Variants in DENND1B observed in about 807,000 individuals in gnomAD.
DENND1B encodes the protein DENN domain containing 1B.
In DENND1B, 59 loss-of-function variants were observed where a neutral mutation model predicts 90.1. The observed-to-expected ratio is 0.65, with a 90% CI of 0.53 to 0.81. The LOEUF is 0.81. DENND1B is among the 40% of genes least tolerant of loss of function. The pLI, the probability that DENND1B is intolerant of heterozygous loss-of-function variation, is 0.00. For synonymous variants in DENND1B, 337 were observed against 324.6 expected (o/e 1.04, Z -0.41); for missense variants, 862 against 912.6 (o/e 0.94, Z 0.71).
In DENND1B at chr1:197,657,684, A is replaced by G. The variant is rs184474028; in HGVS notation, c.366+616T>C. Among the ~76,000 whole-genome samples the G allele has an allele frequency of 2.6e-3, 400 of 152,246 alleles. 1 individual carries two copies. Among genetic ancestry groups the G allele is most frequent in the Non-Finnish European group, 4.7e-3 (319 of 67,984 alleles). On this transcript the variant is annotated intron_variant, in intron 6 of 22. Coordinates refer to ENST00000620048, the MANE Select transcript of DENND1B (RefSeq NM_001195215.2). ...GTGGAAAATGTGGACACTGTGGAAAATGCTCTCATGATTCCTCAAAAAATT... is the reference window on the plus strand; with the variant it reads ...GTGGAAAATGTGGACACTGTGGAAAGTGCTCTCATGATTCCTCAAAAAATT...
intron 11 of DENND1B, among the ~76,000 whole-genome samples, chr1:197,613,450 A>G (rs1411125727): frequency 6.7e-6 from 1 of 150,216 alleles, no homozygotes; most frequent in Non-Finnish European, 1.5e-5. Context: ...AATGCAAGAG[A>G]CCATCTGGAA....
At chr1:197,520,978 T>C (rs768927953) in intron 20 of DENND1B, among the ~76,000 whole-genome samples, 54 of 151,922 alleles carry the variant, frequency 3.6e-4, no homozygotes, top group Non-Finnish European at 6.0e-4. Flanking sequence ...GCTATCAGCA[T>C]GCAATACAAC....
At position 197,506,798 on chromosome 1, in the gene DENND1B, T is replaced by G. The variant is rs1218892776; in HGVS notation, c.*3662A>C. The G allele has an allele frequency of 6.6e-6, 1 of 151,448 alleles. No homozygotes were observed. The highest frequency in any genetic ancestry group is 1.9e-4 in the East Asian group (1 of 5,152). 9.4% of individuals were successfully genotyped at this position (151,448 alleles called of 1,614,324 possible). ...TTATTCATATAAAAATAGTAAAAAT[T>G]GGATTCCCATTAACATGCATCCACA... On this transcript the variant is annotated 3_prime_UTR_variant, in exon 23 of 23. Transcript: ENST00000620048.
chr1:197,543,761 T>G (rs904688719), intron 18 of DENND1B, among the ~76,000 whole-genome samples: 1 of 152,200 alleles, frequency 6.6e-6, no homozygotes, highest in African/African-American at 2.4e-5. Flanking sequence ...CTGTATTTTT[T>G]AATCAACTCT....
intron 15 of DENND1B, 33 bp from the exon 16 acceptor site, chr1:197,553,145 AAATAAAATGTTATCC>A: frequency 2.0e-6 from 3 of 1,465,390 alleles, no homozygotes; most frequent in Non-Finnish European, 2.7e-6. Flanking sequence ...AAAATGTATC[AAATAAAATGTTATCC>A]AATAAAATGT....
chr1:197,551,419 C>A (rs941263934), intron 16 of DENND1B, among the ~76,000 whole-genome samples: 5 of 151,984 alleles, frequency 3.3e-5, no homozygotes, highest in African/African-American at 1.2e-4. Context: ...TAATAAAGAA[C>A]AACAAAGTAG....
At chr1:197,622,846 T>C (rs767326069) in intron 10 of DENND1B, among the ~76,000 whole-genome samples, 2 of 151,452 alleles carry the variant, frequency 1.3e-5, no homozygotes, top group Non-Finnish European at 3.0e-5. Context: ...AAGAAATCAG[T>C]CTATTAATAA....
At position 197,595,261 on chromosome 1, in the gene DENND1B, TAAG is replaced by T. The variant is rs1331047699; in HGVS notation, c.991_993del (p.Leu331del). The T allele has an allele frequency of 6.2e-7, 1 of 1,613,468 alleles. No individual in the cohort carries two copies. The highest frequency in any genetic ancestry group is 8.5e-7 in the Non-Finnish European group (1 of 1,179,498). On this transcript the variant is annotated inframe_deletion, in exon 14 of 23. Coordinates refer to ENST00000620048, the MANE Select transcript of DENND1B (RefSeq NM_001195215.2). ...GATCCAAACAAAGCAGCCTGTGCTC[TAAG>T]AAAGGCCCTAGCTACTCCATCACCC... is the stretch of plus-strand genomic sequence containing the variant.
intron 3 of DENND1B, among the ~76,000 whole-genome samples, chr1:197,687,087 T>G (rs984468276): frequency 2.0e-5 from 3 of 152,224 alleles, no homozygotes; most frequent in Non-Finnish European, 4.4e-5. Context: ...AATGGGAGTC[T>G]TTATTTCTGA....
At position 197,775,116 on chromosome 1, in the gene DENND1B, C is replaced by A. The variant is rs955316353; in HGVS notation, c.17+23G>T. On this transcript the variant is annotated intron_variant, in intron 1 of 22. Coordinates refer to ENST00000620048, the MANE Select transcript of DENND1B (RefSeq NM_001195215.2). ...GCCGCCGAGGGACGCCCGCCCCCGA[C>A]GCGCCCGGGCCCCCCCACTCACTTG... 1.3e-5 allele frequency: 16 copies of A among 1,268,148 alleles called. No homozygotes were observed. In the African/African-American group the frequency reaches 2.2e-4, roughly 17 times the overall value. 78.6% of individuals were successfully genotyped at this position (1,268,148 alleles called of 1,614,324 possible). A position where few individuals can be genotyped will look rare whatever the true frequency, so the allele number is the denominator to read the frequency against.
At position 197,552,591 on chromosome 1, in the gene DENND1B, T is replaced by C. The variant is rs963950819; in HGVS notation, c.1240+431A>G. 9 of 988,460 alleles carry C rather than the reference T, an allele frequency of 9.1e-6. No individual in the cohort carries two copies. In the Admixed American group the frequency reaches 2.5e-4, roughly 27 times the overall value. 61.2% of individuals were successfully genotyped at this position (988,460 alleles called of 1,614,324 possible). A position where few individuals can be genotyped will look rare whatever the true frequency, so the allele number is the denominator to read the frequency against. On this transcript the variant is annotated intron_variant, in intron 16 of 22. Transcript: ENST00000620048. ...TAATAATAATACAGTTACTTAAATA[T>C]GTATAAAGAATTTTGGTGTTCAGAC... is the stretch of plus-strand genomic sequence containing the variant.
At chr1:197,531,038 A>C (rs975084758) in intron 20 of DENND1B, among the ~76,000 whole-genome samples, 12 of 152,122 alleles carry the variant, frequency 7.9e-5, no homozygotes, top group Non-Finnish European at 1.6e-4. Flanking sequence ...TTTAATTCCT[A>C]TTCTGCTATT....
In DENND1B at chr1:197,672,026, CA is replaced by C. The variant is rs749017201; in HGVS notation, c.296+10del. 138 of 1,607,262 alleles carry C rather than the reference CA, an allele frequency of 8.6e-5. 1 individual carries two copies. The South Asian group carries it at 1.2e-3, about 14-fold the overall frequency. ...ATTTTGCATCTAATTTTTTTTACTA[CA>C]AATACTCACCTAAGGATGCATAAAC... On this transcript the variant is annotated intron_variant, in intron 5 of 22. Transcript: ENST00000620048.
chr1:197,693,642 T>C (rs930341570), intron 3 of DENND1B, among the ~76,000 whole-genome samples: 7 of 151,678 alleles, frequency 4.6e-5, no homozygotes, highest in African/African-American at 1.4e-4. Flanking sequence ...GCATTCCTTT[T>C]CTCCAAAACA....
chr1:197,751,563 G>T (rs1198882983), intron 2 of DENND1B, among the ~76,000 whole-genome samples: 2 of 152,168 alleles, frequency 1.3e-5, no homozygotes, highest in African/African-American at 4.8e-5. Flanking sequence ...ATAAATGTCA[G>T]CCAGGCGCGG....
rs549865784 is a variant in DENND1B, at chr1:197,522,887, A to G, written c.1516-9934T>C. ...AAACAGGTAAGAAAAAAATCTGCTAAAATGTCAATAAGGTCTTAAAGGCCA... is the reference window on the plus strand; with the variant it reads ...AAACAGGTAAGAAAAAAATCTGCTAGAATGTCAATAAGGTCTTAAAGGCCA... On this transcript the variant is annotated intron_variant, in intron 20 of 22. Transcript: ENST00000620048. Among the ~76,000 whole-genome samples, 8 of 152,260 alleles carry G rather than the reference A, an allele frequency of 5.3e-5. No individual in the cohort carries two copies. The South Asian group carries it at 1.4e-3, about 28-fold the overall frequency.
At chr1:197,720,059 C>T (rs572541510) in intron 2 of DENND1B, among the ~76,000 whole-genome samples, 46 of 152,258 alleles carry the variant, frequency 3.0e-4, no homozygotes, top group South Asian at 6.2e-4. Flanking sequence ...TTGTCTCTTT[C>T]TCCCTCAGAC....
chr1:197,694,732 T>A (rs1261776380), intron 3 of DENND1B, among the ~76,000 whole-genome samples: 1 of 151,338 alleles, frequency 6.6e-6, no homozygotes. Flanking sequence ...TTTCTATAGA[T>A]TGCTGCATAA....
chr1:197,605,630 T>C (rs1326253385), intron 13 of DENND1B: 3 of 151,194 alleles, frequency 2.0e-5, no homozygotes, highest in Non-Finnish European at 4.4e-5. Context: ...TGATTAGTTT[T>C]TAAATGAGTA....
Sources: gnomAD v4.1 joint callset for allele counts (sites outside exome capture counted in the v4.1 genomes callset) on GRCh38, gnomAD v4.1.1 for gene constraint, MANE v1.5 for transcripts, NCBI Gene and HGNC (gene_info 2026-07-23, HGNC 2026-07-21) for gene names.